DCAF6: variants seen among roughly 807,000 people sequenced by gnomAD.
DCAF6 encodes the protein DDB1 and CUL4 associated factor 6, also known as DDB1- and CUL4-associated factor 6.
DCAF6 carries 54 observed loss-of-function variants against 125.1 expected under a neutral mutation model. The observed-to-expected ratio is 0.43, with a 90% CI of 0.35 to 0.54. DCAF6 has a LOEUF of 0.54. Ranked by LOEUF, DCAF6 falls within the 20% of genes least tolerant of loss-of-function variation. The probability of loss-of-function intolerance (pLI) is 0.01; values close to 1 mark genes in which losing one functional copy is unlikely to be tolerated. For missense variants in DCAF6, 934 were observed against 1,161.7 expected, an observed-to-expected ratio of 0.80 and a Z score of 2.85; for synonymous variants, 371 against 390.4, an observed-to-expected ratio of 0.95 and a Z score of 0.58.
intron 2 of DCAF6, among the ~76,000 whole-genome samples, chr1:167,962,586 C>G (rs1317138069): frequency 6.6e-6 from 1 of 152,172 alleles, no homozygotes; most frequent in Non-Finnish European, 1.5e-5. Flanking sequence ...CCATATGGAT[C>G]TTTATATTTA....
intron 12 of DCAF6, among the ~76,000 whole-genome samples, chr1:168,029,394 A>C (rs575395982): frequency 6.6e-6 from 1 of 152,346 alleles, no homozygotes; most frequent in Non-Finnish European, 1.5e-5. Flanking sequence ...GTACTTCATT[A>C]ATTCAACTGA....
intron 10 of DCAF6, among the ~76,000 whole-genome samples, chr1:168,008,080 C>T (rs1376615507): frequency 6.7e-6 from 1 of 150,136 alleles, no homozygotes; most frequent in Non-Finnish European, 1.5e-5. Context: ...AGCAATTCTC[C>T]TGCCTCAGCC....
At chr1:168,031,882 G>A (rs576633863) in intron 12 of DCAF6, among the ~76,000 whole-genome samples, 1 of 152,276 alleles carries the variant, frequency 6.6e-6, no homozygotes, top group African/African-American at 2.4e-5. Flanking sequence ...ATGAATAGAG[G>A]TATATAAAAC....
the DCAF6 span, chr1:167,870,283 C>G: frequency 3.7e-6 from 6 of 1,614,052 alleles, no homozygotes. Flanking sequence ...GGGCCAGGTA[C>G]TCAATTTTCA....
chr1:168,008,825 T>TCTGCC (rs1298341362), intron 10 of DCAF6, among the ~76,000 whole-genome samples: 4 of 148,812 alleles, frequency 2.7e-5, no homozygotes, highest in Non-Finnish European at 4.5e-5. Flanking sequence ...CGTGCCAAAT[T>TCTGCC]CTGCCCTGCC....
chr1:167,963,760 G>T (rs1340128108), intron 2 of DCAF6, among the ~76,000 whole-genome samples: 1 of 149,108 alleles, frequency 6.7e-6, no homozygotes, highest in Non-Finnish European at 1.5e-5. Context: ...ATTTCATATA[G>T]TTTTTTTTTT....
rs772926521 is a variant in DCAF6, at chr1:168,044,610, T to A, written c.1869T>A (p.Asp623Glu). ...AAGCTCCTGAAGAATCATCAGAGGA[T>A]GTGACAAAATATCAGGAAGGAGTAT... ...ETKAPEESSE[D>E]VTKYQEGVSA... Residue 623 changes from aspartate (D) to glutamate (E), a missense_variant, in exon 15 of 22, where the codon GAT becomes GAA. Asp to Glu is a conservative substitution (Grantham distance 45). Coordinates refer to ENST00000367840, the MANE Select transcript of DCAF6 (RefSeq NM_001198956.2). 6 of 1,612,956 alleles carry A rather than the reference T, an allele frequency of 3.7e-6. No homozygotes were observed. The Admixed American group carries it at 8.3e-5, about 22-fold the overall frequency.
chr1:167,929,956 C>T, the DCAF6 span, among the ~76,000 whole-genome samples: 1 of 152,124 alleles, frequency 6.6e-6, no homozygotes, highest in African/African-American at 2.4e-5. Context: ...TTACATTACA[C>T]AAGTTCACCT....
At chr1:168,067,630 G>A (rs532506637) in intron 20 of DCAF6, among the ~76,000 whole-genome samples, 1 of 152,166 alleles carries the variant, frequency 6.6e-6, no homozygotes, top group South Asian at 2.1e-4. Flanking sequence ...CAAACTAAAC[G>A]GTTAGGTGAG....
the DCAF6 span, chr1:167,905,100 A>T: frequency 6.2e-7 from 1 of 1,614,242 alleles, no homozygotes; most frequent in Non-Finnish European, 8.5e-7. Flanking sequence ...TGCTATTCTG[A>T]CTATGGGCCA....
chr1:167,993,345 G>A lies in DCAF6; in HGVS notation c.808G>A (p.Val270Ile), dbSNP rs1013962018. ...CYSEDGQEIL[V>I]SYSSDYIYLF... ...CAGTGAAGATGGTCAAGAGATTCTCGTTAGTTACTCTTCAGATTACATATA... is the reference window on the plus strand; with the variant it reads ...CAGTGAAGATGGTCAAGAGATTCTCATTAGTTACTCTTCAGATTACATATA... Residue 270 changes from valine to isoleucine, a missense_variant, in exon 7 of 22, where the codon GTT (valine) becomes ATT (isoleucine). Val to Ile is a conservative substitution (Grantham distance 29). Transcript: ENST00000367840. 6.2e-6 allele frequency: 10 copies of A among 1,613,664 alleles called. No individual in the cohort carries two copies. Among genetic ancestry groups the A allele is most frequent in the East Asian group, 4.5e-5 (2 of 44,900 alleles).
intron 21 of DCAF6, among the ~76,000 whole-genome samples, chr1:168,074,604 A>G (rs28691278): frequency 0.018 from 2,731 of 152,284 alleles, 75 homozygotes; most frequent in African/African-American, 0.062. Flanking sequence ...AACGACTATT[A>G]CTGTAATTAG....
At chr1:167,892,042 C>T in the DCAF6 span, among the ~76,000 whole-genome samples, 2 of 150,942 alleles carry the variant, frequency 1.3e-5, no homozygotes, top group Non-Finnish European at 1.5e-5. Context: ...GGAGCAATCT[C>T]GGCTCACTGC....
intron 4 of DCAF6, among the ~76,000 whole-genome samples, chr1:167,978,371 C>G (rs1483546857): frequency 6.6e-6 from 1 of 152,142 alleles, no homozygotes; most frequent in African/African-American, 2.4e-5. Flanking sequence ...TGATCTTTGC[C>G]AACAGTTGGT....
chr1:167,972,583 A>G (rs1677503849), intron 3 of DCAF6, among the ~76,000 whole-genome samples: 1 of 152,220 alleles, frequency 6.6e-6, no homozygotes, highest in Admixed American at 6.5e-5. Flanking sequence ...AATCCAGGTA[A>G]GAGGGAAAGA....
At chr1:167,916,665 C>T in the DCAF6 span, 1 of 152,154 alleles carries the variant, frequency 6.6e-6, no homozygotes, top group Non-Finnish European at 1.5e-5. Flanking sequence ...ATTTGACTGA[C>T]AAGAGGGGCT....
At chr1:167,935,740 A>C, upstream of DCAF6, 1 of 1,561,104 alleles carries the variant, frequency 6.4e-7, no homozygotes, top group Non-Finnish European at 8.7e-7. Context: ...TACCTGCTGG[A>C]TGGTTGTACA....
At chr1:167,927,480 C>T in the DCAF6 span, among the ~76,000 whole-genome samples, 2 of 152,186 alleles carry the variant, frequency 1.3e-5, no homozygotes, top group African/African-American at 4.8e-5. Context: ...TTCGCTTCAT[C>T]AATCAAGAGT....
chr1:167,880,867 G>C, the DCAF6 span, among the ~76,000 whole-genome samples: 2 of 152,178 alleles, frequency 1.3e-5, no homozygotes, highest in Admixed American at 1.3e-4. Context: ...TGCATGCTTC[G>C]GCCTACTCTC....
Sources: allele counts gnomAD v4.1 joint callset (sites outside exome capture counted in the v4.1 genomes callset), GRCh38; gene constraint gnomAD v4.1.1; transcripts MANE v1.5; gene names NCBI Gene and HGNC (gene_info 2026-07-23, HGNC 2026-07-21).